Variants in MRPL41 observed in about 807,000 individuals in gnomAD.
The protein encoded by MRPL41 is large ribosomal subunit protein mL41.
A neutral mutation model predicts 3.3 loss-of-function variants in MRPL41; 2 were observed. That is an observed-to-expected ratio of 0.60 (90% confidence interval 0.25 to 1.90). The LOEUF (loss-of-function observed/expected upper bound fraction) is 1.90. MRPL41 is among the 40% of genes most tolerant of loss of function. The pLI is 0.16. For missense variants in MRPL41, 161 were observed against 192.2 expected, an observed-to-expected ratio of 0.84 and a Z score of 0.96; for synonymous variants, 93 against 85.7, an observed-to-expected ratio of 1.08 and a Z score of -0.47.
rs1836988337 is a variant in MRPL41 at position 137,552,241 on chromosome 9, AAGG to A, written c.163_165del (p.Glu55del). On this transcript the variant is annotated inframe_deletion, in exon 2 of 2. Coordinates refer to ENST00000371443, the MANE Select transcript of MRPL41 (RefSeq NM_032477.3). Reference sequence around the variant, plus strand: ...CTCGGGCTGGAGGTTCGTGCAGATCAAGGAGATGGTCCCGGAGTTCGTCGTCCC... The same window carrying A: ...CTCGGGCTGGAGGTTCGTGCAGATCAAGATGGTCCCGGAGTTCGTCGTCCC... 6.3e-7 allele frequency: 1 copy of A among 1,580,370 alleles called. No individual in the cohort carries two copies. Among genetic ancestry groups the A allele is most frequent in the East Asian group, 2.3e-5 (1 of 43,408 alleles).
rs1243097010 is a variant in MRPL41 at position 137,551,963 on chromosome 9, G to C, written c.-24G>C. ...AGCCGGGGCCGCTTGGAGCTCGTGT[G>C]GGGTCTCCGGTCCAGGTGAGTCTGT... is the stretch of plus-strand genomic sequence containing the variant. On this transcript the variant is annotated 5_prime_UTR_variant, in exon 1 of 2. Transcript: ENST00000371443. The C allele has an allele frequency of 1.2e-6, 1 of 814,084 alleles. No homozygotes were observed. Among genetic ancestry groups the C allele is most frequent in the Non-Finnish European group, 1.6e-6 (1 of 609,426 alleles). The allele number at this position is 814,084 out of a possible 1,614,324, so 50.4% of individuals were successfully genotyped here.
chr9:137,552,333 G>T lies in MRPL41; in HGVS notation c.252G>T (p.Thr84=). 1 of 1,610,570 alleles carries T rather than the reference G, an allele frequency of 6.2e-7. No homozygotes were observed. Among genetic ancestry groups the T allele is most frequent in the Non-Finnish European group, 8.5e-7 (1 of 1,178,778 alleles). The change falls in exon 2 of 2, where the codon ACG becomes ACT. Residue 84 remains threonine, a synonymous_variant. Coordinates refer to ENST00000371443, the MANE Select transcript of MRPL41 (RefSeq NM_032477.3). The part of the protein sequence containing the change: ...VSYLAPESEE[T]PLTAAQLFSE... The stretch of plus-strand genomic sequence containing the variant: ...ACCTCGCCCCTGAGAGCGAGGAGAC[G>T]CCCCTGACGGCCGCGCAGCTCTTCA...
chr9:137,552,212 T>A lies in MRPL41; in HGVS notation c.131T>A (p.Leu44His). The stretch of plus-strand genomic sequence containing the variant: ...CGGGGCGCCAAGGGCATCGGCTTCC[T>A]CACCTCGGGCTGGAGGTTCGTGCAG... The part of the protein sequence containing the change: ...KGRGAKGIGF[L>H]TSGWRFVQIK... The change falls in exon 2 of 2, where the codon CTC becomes CAC. Residue 44 changes from leucine (L) to histidine (H), a missense_variant. Leu to His is a moderately conservative substitution (Grantham distance 99). Transcript: ENST00000371443. 1.3e-6 allele frequency: 2 copies of A among 1,566,320 alleles called. No individual in the cohort carries two copies. The highest frequency in any genetic ancestry group is 2.3e-5 in the South Asian group (2 of 85,790).
Position 137,552,468 on chromosome 9 carries a change from G to T in MRPL41, c.387G>T (p.Gln129His). The T allele has an allele frequency of 6.3e-7, 1 of 1,575,608 alleles. No homozygotes were observed. The highest frequency in any genetic ancestry group is 1.1e-5 in the South Asian group (1 of 87,918). ...CCACACAGGAGGGAAAGCTCTTCCA[G>T]CTCTACCCCAGGAACTTCCTGCGCT... The part of the protein sequence containing the change: ...FEPTQEGKLF[Q>H]LYPRNFLR Residue 129 changes from glutamine to histidine, a missense_variant, in exon 2 of 2, where the codon CAG becomes CAT. Physicochemically the swap from Gln to His is conservative, Grantham distance 24 (BLOSUM62 0). Transcript: ENST00000371443.
Position 137,552,521 on chromosome 9 carries a change from C to A in MRPL41, c.*26C>A. 6.6e-7 allele frequency: 1 copy of A among 1,511,958 alleles called. No individual in the cohort carries two copies. Among genetic ancestry groups the A allele is most frequent in the Non-Finnish European group, 8.8e-7 (1 of 1,130,130 alleles). The allele number at this position is 1,511,958 out of a possible 1,614,324, so 93.7% of individuals were successfully genotyped here. On this transcript the variant is annotated 3_prime_UTR_variant, in exon 2 of 2. Transcript: ENST00000371443. ...CTGGGCGGGGGAGGGGCGGCCTGCC[C>A]TCATCTCATTTCTATTAAACGCCTT...
chr9:137,552,003 C>T (rs1015644431), intron 1 of MRPL41, 25 bp downstream of exon 1: 1 of 1,151,748 alleles, frequency 8.7e-7, no homozygotes, highest in Non-Finnish European at 1.1e-6. Flanking sequence ...TTGGGGCGGG[C>T]GCCGCGCGCG....
chr9:137,552,088 G>C lies in MRPL41; in HGVS notation c.7G>C (p.Val3Leu). MG[V>L]LAAAARCLVR... ...TCCTCCCGCAGGGCGCGGCATGGGC[G>C]TCCTGGCCGCAGCGGCGCGCTGCCT... The change falls in exon 2 of 2, where the codon GTC becomes CTC. Residue 3 changes from valine to leucine, a missense_variant. Transcript: ENST00000371443. 7.3e-7 allele frequency: 1 copy of C among 1,378,878 alleles called. No homozygotes were observed. Among genetic ancestry groups the C allele is most frequent in the South Asian group, 1.8e-5 (1 of 54,728 alleles). 85.4% of individuals were successfully genotyped at this position (1,378,878 alleles called of 1,614,324 possible).
chr9:137,552,003 C>G lies in MRPL41; in HGVS notation c.-9+25C>G, dbSNP rs1015644431. The G allele has an allele frequency of 6.9e-6, 8 of 1,151,750 alleles. No individual in the cohort carries two copies. The Admixed American group carries it at 1.3e-4, about 19-fold the overall frequency. The allele number at this position is 1,151,750 out of a possible 1,614,324, so 71.3% of individuals were successfully genotyped here. A position where few individuals can be genotyped will look rare whatever the true frequency, so the allele number is the denominator to read the frequency against. The stretch of plus-strand genomic sequence containing the variant: ...GGTGAGTCTGTCGGATTGGGGCGGG[C>G]GCCGCGCGCGGCCAGGGGCGGGGCT... On this transcript the variant is annotated intron_variant, in intron 1 of 1. Coordinates refer to ENST00000371443, the MANE Select transcript of MRPL41 (RefSeq NM_032477.3).
chr9:137,551,976 C>T lies in MRPL41; in HGVS notation c.-11C>T. 1 of 948,998 alleles carries T rather than the reference C, an allele frequency of 1.1e-6. No individual in the cohort carries two copies. Among genetic ancestry groups the T allele is most frequent in the Non-Finnish European group, 1.4e-6 (1 of 730,648 alleles). 58.8% of individuals were successfully genotyped at this position (948,998 alleles called of 1,614,324 possible). A position where few individuals can be genotyped will look rare whatever the true frequency, so the allele number is the denominator to read the frequency against. On this transcript the variant is annotated splice_region_variant and 5_prime_UTR_variant, in exon 1 of 2. Coordinates refer to ENST00000371443, the MANE Select transcript of MRPL41 (RefSeq NM_032477.3). ...TGGAGCTCGTGTGGGGTCTCCGGTC[C>T]AGGTGAGTCTGTCGGATTGGGGCGG...
Position 137,551,975 on chromosome 9 carries a change from C to A in MRPL41, c.-12C>A. On this transcript the variant is annotated 5_prime_UTR_variant, in exon 1 of 2. Coordinates refer to ENST00000371443, the MANE Select transcript of MRPL41 (RefSeq NM_032477.3). ...TTGGAGCTCGTGTGGGGTCTCCGGT[C>A]CAGGTGAGTCTGTCGGATTGGGGCG... The A allele has an allele frequency of 1.1e-6, 1 of 940,546 alleles. No homozygotes were observed. The highest frequency in any genetic ancestry group is 1.4e-6 in the Non-Finnish European group (1 of 722,984). 58.3% of individuals were successfully genotyped at this position (940,546 alleles called of 1,614,324 possible).
At chr9:137,552,009 G>C in intron 1 of MRPL41, 31 bp downstream of exon 1, 2 of 1,187,908 alleles carry the variant, frequency 1.7e-6, no homozygotes, top group Non-Finnish European at 2.1e-6. Context: ...CGGGCGCCGC[G>C]CGCGGCCAGG....
chr9:137,551,933 G>A lies in MRPL41; in HGVS notation c.-54G>A, dbSNP rs1011042799. 5.2e-6 allele frequency: 3 copies of A among 577,210 alleles called. No homozygotes were observed. Among genetic ancestry groups the A allele is most frequent in the Admixed American group, 4.5e-5 (1 of 22,314 alleles). 35.8% of individuals were successfully genotyped at this position (577,210 alleles called of 1,614,324 possible). On this transcript the variant is annotated 5_prime_UTR_variant, in exon 1 of 2. Coordinates refer to ENST00000371443, the MANE Select transcript of MRPL41 (RefSeq NM_032477.3). ...GGAGCAAGGTCGAGGCCGGGTTGGC[G>A]CCGGAGCCGGGGCCGCTTGGAGCTC...
At position 137,552,429 on chromosome 9, in the gene MRPL41, G is replaced by A. The variant is rs1206679465; in HGVS notation, c.348G>A (p.Lys116=). The A allele has an allele frequency of 6.2e-7, 1 of 1,604,742 alleles. No individual in the cohort carries two copies. Among genetic ancestry groups the A allele is most frequent in the Admixed American group, 1.7e-5 (1 of 59,076 alleles). The change falls in exon 2 of 2, where the codon AAG becomes AAA. Residue 116 remains lysine (K), a synonymous_variant. Transcript: ENST00000371443. ...DGTFDPDNLE[K]YGFEPTQEGK... is the part of the protein sequence containing the mutation. ...CCTTCGACCCTGACAACCTGGAAAA[G>A]TACGGCTTCGAGCCCACACAGGAGG...
In MRPL41 at chr9:137,552,278, C is replaced by T. The variant is rs369261664; in HGVS notation, c.197C>T (p.Thr66Ile). Residue 66 changes from threonine (T) to isoleucine (I), a missense_variant, in exon 2 of 2, where the codon ACC (threonine) becomes ATC (isoleucine). Thr to Ile is a moderately conservative substitution (Grantham distance 89). Transcript: ENST00000371443. ...CCGGAGTTCGTCGTCCCGGATCTGA[C>T]CGGCTTCAAGCTCAAGCCCTACGTG... ...MVPEFVVPDL[T>I]GFKLKPYVSY... The T allele has an allele frequency of 1.3e-6, 2 of 1,591,822 alleles. No homozygotes were observed. Among genetic ancestry groups the T allele is most frequent in the South Asian group, 1.1e-5 (1 of 89,370 alleles).
rs1256000675 is a variant in MRPL41 at position 137,552,316 on chromosome 9, CCT to C, written c.236_237del (p.Pro79ArgfsTer33). On this transcript the variant is annotated frameshift_variant, in exon 2 of 2. Transcript: ENST00000371443. LOFTEE classifies it high-confidence loss of function. The stretch of plus-strand genomic sequence containing the variant: ...CAAGCCCTACGTGAGCTACCTCGCC[CCT>C]GAGAGCGAGGAGACGCCCCTGACGG... The part of the protein sequence containing the change: ...KLKPYVSYLA[P>X]ESEETPLTAA... 1.9e-6 allele frequency: 3 copies of C among 1,609,608 alleles called. No individual in the cohort carries two copies. The highest frequency in any genetic ancestry group is 1.7e-5 in the Admixed American group (1 of 59,424).
rs1285324289 is a variant in MRPL41, at chr9:137,552,312, C to T, written c.231C>T (p.Leu77=). The stretch of plus-strand genomic sequence containing the variant: ...AGCTCAAGCCCTACGTGAGCTACCT[C>T]GCCCCTGAGAGCGAGGAGACGCCCC... ...GFKLKPYVSY[L]APESEETPLT... The change falls in exon 2 of 2, where the codon CTC becomes CTT. Residue 77 remains leucine (L), a synonymous_variant. Coordinates refer to ENST00000371443, the MANE Select transcript of MRPL41 (RefSeq NM_032477.3). 6.2e-7 allele frequency: 1 copy of T among 1,609,030 alleles called. No individual in the cohort carries two copies. Among genetic ancestry groups the T allele is most frequent in the Non-Finnish European group, 8.5e-7 (1 of 1,178,170 alleles).
chr9:137,552,356 T>A lies in MRPL41; in HGVS notation c.275T>A (p.Phe92Tyr). The A allele has an allele frequency of 1.2e-6, 2 of 1,611,776 alleles. No homozygotes were observed. Among genetic ancestry groups the A allele is most frequent in the Non-Finnish European group, 1.7e-6 (2 of 1,179,424 alleles). Reference protein sequence around the residue: ...EETPLTAAQLFSEAVAPAIEK... With the variant: ...EETPLTAAQLYSEAVAPAIEK... ...ACGCCCCTGACGGCCGCGCAGCTCT[T>A]CAGCGAAGCCGTGGCGCCTGCCATC... Residue 92 changes from phenylalanine (F) to tyrosine (Y), a missense_variant, in exon 2 of 2, where the codon TTC (phenylalanine) becomes TAC (tyrosine). By Grantham distance (22) the Phe-to-Tyr change is conservative. Coordinates refer to ENST00000371443, the MANE Select transcript of MRPL41 (RefSeq NM_032477.3).
At position 137,551,931 on chromosome 9, in the gene MRPL41, G is replaced by C; in HGVS notation, c.-56G>C. 1 of 560,226 alleles carries C rather than the reference G, an allele frequency of 1.8e-6. No individual in the cohort carries two copies. The allele number at this position is 560,226 out of a possible 1,614,324, so 34.7% of individuals were successfully genotyped here. Reference sequence around the variant, plus strand: ...GCGGAGCAAGGTCGAGGCCGGGTTGGCGCCGGAGCCGGGGCCGCTTGGAGC... The same window carrying C: ...GCGGAGCAAGGTCGAGGCCGGGTTGCCGCCGGAGCCGGGGCCGCTTGGAGC... On this transcript the variant is annotated 5_prime_UTR_variant, in exon 1 of 2. Coordinates refer to ENST00000371443, the MANE Select transcript of MRPL41 (RefSeq NM_032477.3).
In MRPL41 at chr9:137,552,002, G is replaced by A. The variant is rs1836976790; in HGVS notation, c.-9+24G>A. On this transcript the variant is annotated intron_variant, in intron 1 of 1. Coordinates refer to ENST00000371443, the MANE Select transcript of MRPL41 (RefSeq NM_032477.3). ...AGGTGAGTCTGTCGGATTGGGGCGG[G>A]CGCCGCGCGCGGCCAGGGGCGGGGC... 3 of 1,153,340 alleles carry A rather than the reference G, an allele frequency of 2.6e-6. No individual in the cohort carries two copies. In the Admixed American group the frequency reaches 1.3e-4, roughly 50 times the overall value. 71.4% of individuals were successfully genotyped at this position (1,153,340 alleles called of 1,614,324 possible). A position where few individuals can be genotyped will look rare whatever the true frequency, so the allele number is the denominator to read the frequency against.
Sources: gnomAD v4.1 joint callset for allele counts on GRCh38, gnomAD v4.1.1 for gene constraint, MANE v1.5 for transcripts, NCBI Gene and HGNC (gene_info 2026-07-23, HGNC 2026-07-21) for gene names.